PNPLA6: variants seen among roughly 807,000 people sequenced by gnomAD.
PNPLA6 encodes the protein patatin-like phospholipase domain-containing protein 6.
A neutral mutation model predicts 153.7 loss-of-function variants in PNPLA6; 105 were observed. The observed-to-expected ratio is 0.68, with a 90% CI of 0.58 to 0.80. The LOEUF (loss-of-function observed/expected upper bound fraction) is 0.80. PNPLA6 is among the 30% of genes least tolerant of loss of function. PNPLA6 has a pLI of 0.00. For synonymous variants in PNPLA6, 825 were observed against 822.2 expected, an observed-to-expected ratio of 1.00 and a Z score of -0.06; for missense variants, 1,423 against 1,919.3, an observed-to-expected ratio of 0.74 and a Z score of 4.83.
At chr19:7,549,869 T>G in intron 13 of PNPLA6, 38 bp from the exon 14 acceptor site, 1 of 1,600,658 alleles carries the variant, frequency 6.2e-7, no homozygotes, top group Non-Finnish European at 8.5e-7. Flanking sequence ...GTCCACGCTG[T>G]CCGGGTTCTG....
At chr19:7,554,807 T>A in intron 21 of PNPLA6, 84 bp downstream of exon 21, 1 of 1,585,948 alleles carries the variant, frequency 6.3e-7, no homozygotes, top group South Asian at 1.1e-5. Context: ...ACGTGCACCC[T>A]CGCCATGGGG....
intron 29 of PNPLA6, 64 bp from the exon 30 acceptor site, chr19:7,560,950 G>C: frequency 1.0e-6 from 1 of 1,000,272 alleles, no homozygotes; most frequent in Non-Finnish European, 1.6e-6. Context: ...GCACCACTGG[G>C]CCCCCCAGGG....
In PNPLA6 at chr19:7,555,357, G is replaced by A; in HGVS notation, c.2926G>A (p.Gly976Ser). The A allele has an allele frequency of 1.9e-6, 3 of 1,550,804 alleles. No homozygotes were observed. The highest frequency in any genetic ancestry group is 2.6e-6 in the Non-Finnish European group (3 of 1,146,062). Residue 976 changes from glycine (G) to serine (S), a missense_variant, in exon 23 of 32, where the codon GGC becomes AGC. This residue lies in a region of PNPLA6 where 643 missense variants were observed against 835.2 expected (regional missense o/e 0.77). Coordinates refer to ENST00000600737, the MANE Select transcript of PNPLA6 (RefSeq NM_001166114.2). This position sits in a 1 kb window ranked among gnomAD's most constrained non-coding sequence, Gnocchi z 6.3. ...GNTIALVLGG[G>S]GARGCSHIGV... ...CACCATTGCCCTTGTGCTAGGCGGG[G>A]GCGGGGCCAGGTGAGGGCGGGGCTT...
chr19:7,558,325 T>G (rs1474745094), intron 27 of PNPLA6, among the ~76,000 whole-genome samples: 1 of 152,188 alleles, frequency 6.6e-6, no homozygotes, highest in Admixed American at 6.5e-5. Context: ...GCCCTCTGTT[T>G]GATTGTATAA....
At position 7,558,834 on chromosome 19, in the gene PNPLA6, C is replaced by T. The variant is rs377501071; in HGVS notation, c.3398-16C>T. On this transcript the variant is annotated splice_polypyrimidine_tract_variant and intron_variant, in intron 27 of 31. Coordinates refer to ENST00000600737, the MANE Select transcript of PNPLA6 (RefSeq NM_001166114.2). ...CCCCCGAGGGGAGCAGCCCGCTGAC[C>T]CCCCTGGCCCCACAGCGGACATCGC... is the stretch of plus-strand genomic sequence containing the variant. 4 of 1,599,292 alleles carry T rather than the reference C, an allele frequency of 2.5e-6. No individual in the cohort carries two copies. The highest frequency in any genetic ancestry group is 3.4e-6 in the Non-Finnish European group (4 of 1,177,232).
rs1279610825 is a variant in PNPLA6, at chr19:7,540,594, G to A, written c.715-36G>A. The A allele has an allele frequency of 9.2e-6, 14 of 1,518,718 alleles. No homozygotes were observed. Among genetic ancestry groups the A allele is most frequent in the Middle Eastern group, 1.7e-4 (1 of 5,900 alleles). The allele number at this position is 1,518,718 out of a possible 1,614,324, so 94.1% of individuals were successfully genotyped here. On this transcript the variant is annotated intron_variant, in intron 5 of 31. Transcript: ENST00000600737. The surrounding 1 kb of genome is among the most constrained non-coding windows in gnomAD (Gnocchi z 6.8). ...GGGGCGACATGCCAGTCACCAGGGC[G>A]AGGCCACTGAGGGTCCACGGTCTCC... is the stretch of plus-strand genomic sequence containing the variant.
intron 27 of PNPLA6, 61 bp downstream of exon 27, chr19:7,557,345 C>A (rs1044663246): frequency 7.8e-6 from 8 of 1,030,770 alleles, no homozygotes; most frequent in Admixed American, 1.8e-5. Flanking sequence ...CACACGCACA[C>A]GCGTGGGCAC....
Position 7,561,304 on chromosome 19 carries a change from C to G in PNPLA6, c.4010C>G (p.Thr1337Ser), listed in dbSNP as rs763056445. The change falls in exon 31 of 32, where the codon ACT (threonine) becomes AGT (serine). Residue 1337 changes from threonine to serine, a missense_variant. Around this residue, in one of 10 missense-constraint regions of PNPLA6, gnomAD observed 643 missense variants for 835.2 expected, o/e 0.77. Transcript: ENST00000600737. ...TCCCCCGAGGGCGCAAGCCCCAGCACTGCCTCCGAGATGGTGAGAGTGGGT... is the reference window on the plus strand; with the variant it reads ...TCCCCCGAGGGCGCAAGCCCCAGCAGTGCCTCCGAGATGGTGAGAGTGGGT... ...GGSPEGASPS[T>S]ASEMEEEKSI... The G allele has an allele frequency of 7.5e-6, 12 of 1,604,876 alleles. No individual in the cohort carries two copies. The highest frequency in any genetic ancestry group is 1.3e-5 in the African/African-American group (1 of 74,872).
chr19:7,553,280 C>T (rs2023735371), intron 18 of PNPLA6, among the ~76,000 whole-genome samples: 1 of 152,156 alleles, frequency 6.6e-6, no homozygotes, highest in African/African-American at 2.4e-5. Context: ...AAGACAGGGT[C>T]TCGCTCTGTA....
At chr19:7,560,978 GC>G (rs35902090) in intron 29 of PNPLA6, 35 bp from the exon 30 acceptor site, 171 of 1,413,420 alleles carry the variant, frequency 1.2e-4, no homozygotes, top group Admixed American at 2.7e-4. Context: ...GACTCTGTGG[GC>G]CCCCCCTAAG....
At chr19:7,536,950 A>AGAAG (rs1324074894) in intron 3 of PNPLA6, among the ~76,000 whole-genome samples, 2 of 127,060 alleles carry the variant, frequency 1.6e-5, no homozygotes, top group Non-Finnish European at 3.3e-5. Context: ...AAAAAAAAAA[A>AGAAG]AAGAAGAAGA....
Position 7,556,853 on chromosome 19 carries a change from G to A in PNPLA6, c.3280+129G>A, listed in dbSNP as rs114084348. ...GACCGTCCACCCTGGCCCGATCACC[G>A]ACCACTAACCGCCACCCACTAATGC... is the stretch of plus-strand genomic sequence containing the variant. On this transcript the variant is annotated intron_variant, in intron 26 of 31. Coordinates refer to ENST00000600737, the MANE Select transcript of PNPLA6 (RefSeq NM_001166114.2). The A allele has an allele frequency of 1.1e-3, 812 of 769,656 alleles. 5 individuals are homozygous for A. The African/African-American group carries it at 0.012, about 12-fold the overall frequency. 47.7% of individuals were successfully genotyped at this position (769,656 alleles called of 1,614,324 possible). A position where few individuals can be genotyped will look rare whatever the true frequency, so the allele number is the denominator to read the frequency against.
chr19:7,548,337 C>T (rs893034015), intron 13 of PNPLA6, among the ~76,000 whole-genome samples: 1 of 151,618 alleles, frequency 6.6e-6, no homozygotes, highest in Non-Finnish European at 1.5e-5. Context: ...GAGCAAGACA[C>T]CGTCTCAAAA....
intron 29 of PNPLA6, 81 bp downstream of exon 29, chr19:7,560,845 CAG>C (rs1243098446): frequency 1.0e-6 from 1 of 970,372 alleles, no homozygotes; most frequent in Non-Finnish European, 1.7e-6. Flanking sequence ...CCCGAAACCT[CAG>C]ATGACCCCAC....
At chr19:7,542,314 A>T (rs1233773613) in intron 10 of PNPLA6, among the ~76,000 whole-genome samples, 2 of 152,094 alleles carry the variant, frequency 1.3e-5, no homozygotes, top group Non-Finnish European at 2.9e-5. Context: ...ATTGGTATCC[A>T]TTGGTCTCAG....
At position 7,555,829 on chromosome 19, in the gene PNPLA6, C is replaced by T. The variant is rs1404778050; in HGVS notation, c.3093+66C>T. On this transcript the variant is annotated intron_variant, in intron 24 of 31. Transcript: ENST00000600737. This position sits in a 1 kb window ranked among gnomAD's most constrained non-coding sequence, Gnocchi z 6.3. Reference sequence around the variant, plus strand: ...CATAAAACCCGTGGTTCCAACCTAACCTGATCCCATGGGGGAGCCTCCGGG... The same window carrying T: ...CATAAAACCCGTGGTTCCAACCTAATCTGATCCCATGGGGGAGCCTCCGGG... 2 of 1,560,418 alleles carry T rather than the reference C, an allele frequency of 1.3e-6. No individual in the cohort carries two copies. Among genetic ancestry groups the T allele is most frequent in the Admixed American group, 3.3e-5 (2 of 59,740 alleles).
chr19:7,551,998 T>C (rs1401774108), intron 18 of PNPLA6, among the ~76,000 whole-genome samples: 1 of 152,086 alleles, frequency 6.6e-6, no homozygotes, highest in Non-Finnish European at 1.5e-5. Context: ...TCTCAGCCAC[T>C]CAGGAGGCTG....
intron 13 of PNPLA6, among the ~76,000 whole-genome samples, chr19:7,548,674 C>A: frequency 6.6e-6 from 1 of 150,718 alleles, no homozygotes; most frequent in African/African-American, 2.4e-5. Context: ...ATTTTAGATC[C>A]AAGGTTGGTT....
chr19:7,551,108 G>A lies in PNPLA6; in HGVS notation c.2184+1G>A. 1 of 1,540,386 alleles carries A rather than the reference G, an allele frequency of 6.5e-7. No individual in the cohort carries two copies. The highest frequency in any genetic ancestry group is 8.8e-7 in the Non-Finnish European group (1 of 1,139,430). On this transcript the variant is annotated splice_donor_variant, in intron 17 of 31. Transcript: ENST00000600737. LOFTEE classifies it high-confidence loss of function. ...TCACATCAAACGCCGGTACCCGCAG[G>A]TGCGGCCTGTTGTGGGCGGGGCAGA...
Sources: gnomAD v4.1 joint callset for allele counts (sites outside exome capture counted in the v4.1 genomes callset) on GRCh38, gnomAD v4.1.1 for gene constraint, gnomAD v4.1.1 regional missense constraint, Gnocchi (gnomAD v3.1) non-coding constraint, MANE v1.5 for transcripts, NCBI Gene and HGNC (gene_info 2026-07-23, HGNC 2026-07-21) for gene names.